The following GTF2IRD2B variants were observed in gnomAD, a reference collection of about 807,000 sequenced individuals.
GTF2IRD2B encodes general transcription factor II-I repeat domain-containing protein 2B.
GTF2IRD2B carries 10 observed loss-of-function variants against 55.6 expected under a neutral mutation model. That is an observed-to-expected ratio of 0.18 (90% CI 0.11 to 0.31). GTF2IRD2B has a LOEUF of 0.31. Among genes scored for constraint, GTF2IRD2B ranks in the 10% least tolerant of loss-of-function variants. The probability of loss-of-function intolerance (pLI) is 1.00; values close to 1 mark genes in which losing one functional copy is unlikely to be tolerated. For synonymous variants in GTF2IRD2B, 107 were observed against 320.5 expected (o/e 0.33, Z 7.12); for missense variants, 206 against 802.7 (o/e 0.26, Z 8.98).
chr7:75,132,474 C>T lies in GTF2IRD2B; in HGVS notation c.671-661C>T, dbSNP rs1463448764. On this transcript the variant is annotated intron_variant, in intron 8 of 15. Transcript: ENST00000472837. ...AGCCACCCTGAAGGGGAAAATCTCC[C>T]AAAACTAGGACTAGAATCAGAACTA... 4.1e-5 allele frequency among the ~76,000 whole-genome samples: 6 copies of T among 146,106 alleles called. No homozygotes were observed. The East Asian group carries it at 7.7e-4, about 19-fold the overall frequency.
intron 1 of GTF2IRD2B, among the ~76,000 whole-genome samples, chr7:75,104,824 T>G (rs1807721224): frequency 6.6e-6 from 1 of 152,284 alleles, no homozygotes; most frequent in Admixed American, 6.5e-5. Context: ...CTCTTCATCT[T>G]AGCCAAAAAG....
chr7:75,145,731 CAAAAAA>C (rs1239787118), intron 15 of GTF2IRD2B, among the ~76,000 whole-genome samples: 2 of 83,738 alleles, frequency 2.4e-5, no homozygotes, highest in African/African-American at 4.4e-5. Context: ...GACTCTGTCT[CAAAAAA>C]AAAAAAAAAA....
At chr7:75,099,737 A>AAAATAAATAAATAAAT (rs781954915) in intron 1 of GTF2IRD2B, among the ~76,000 whole-genome samples, 15 of 126,584 alleles carry the variant, frequency 1.2e-4, no homozygotes, top group Admixed American at 7.7e-5. Flanking sequence ...ACTCCGTCTC[A>AAAATAAATAAATAAAT]AAATAAATAA....
At chr7:75,120,838 G>T in intron 3 of GTF2IRD2B, 53 bp from the exon 4 acceptor site, 2 of 1,591,722 alleles carry the variant, frequency 1.3e-6, no homozygotes, top group South Asian at 2.3e-5. Context: ...AAGTACGGAA[G>T]TGTACAGCAC....
At chr7:75,116,892 G>A (rs1808177571) in intron 3 of GTF2IRD2B, among the ~76,000 whole-genome samples, 1 of 151,448 alleles carries the variant, frequency 6.6e-6, no homozygotes. Flanking sequence ...TGATCTGCCT[G>A]CCTCCGCCTC....
At position 75,101,893 on chromosome 7, in the gene GTF2IRD2B, C is replaced by CAA. The variant is rs1243907524; in HGVS notation, c.-5-7048_-5-7047dup. ...TGGGAGACAGAGCAAGACCCCATCT[C>CAA]AAAAAAAAAAAAAAAAAAAAGAAAA... is the stretch of plus-strand genomic sequence containing the variant. On this transcript the variant is annotated intron_variant, in intron 1 of 15. Transcript: ENST00000472837. Among the ~76,000 whole-genome samples the CAA allele has an allele frequency of 6.0e-3, 466 of 77,582 alleles. 4 individuals carry two copies. The highest frequency in any genetic ancestry group is 0.013 in the South Asian group (29 of 2,174). 50.9% of individuals were successfully genotyped at this position (77,582 alleles called of 152,430 possible).
chr7:75,105,487 G>C (rs1360486373), intron 1 of GTF2IRD2B, among the ~76,000 whole-genome samples: 615 of 152,204 alleles, frequency 4.0e-3, no homozygotes, highest in Non-Finnish European at 6.5e-3. Flanking sequence ...CTGGGTGACA[G>C]AGTGATATTC....
At chr7:75,113,880 GTGTC>G (rs1357046131) in intron 3 of GTF2IRD2B, among the ~76,000 whole-genome samples, 5 of 148,306 alleles carry the variant, frequency 3.4e-5, no homozygotes, top group African/African-American at 1.3e-4. Context: ...GTGTGTGTGT[GTGTC>G]TGTGTGTGTA....
At position 75,148,208 on chromosome 7, in the gene GTF2IRD2B, G is replaced by A. The variant is rs587663700; in HGVS notation, c.1761G>A (p.Thr587=). 3 of 1,613,838 alleles carry A rather than the reference G, an allele frequency of 1.9e-6. No individual in the cohort carries two copies. The highest frequency in any genetic ancestry group is 4.5e-5 in the East Asian group (2 of 44,882). Residue 587 remains threonine (T), a synonymous_variant, in exon 16 of 16, where the codon ACG becomes ACA. Transcript: ENST00000472837. ...SEELLDTVPM[T]GTKSGNEIFL... ...AACTTCTGGACACGGTGCCCATGACGGGTACAAAATCTGGCAACGAGATCT... is the reference window on the plus strand; with the variant it reads ...AACTTCTGGACACGGTGCCCATGACAGGTACAAAATCTGGCAACGAGATCT...
intron 1 of GTF2IRD2B, among the ~76,000 whole-genome samples, chr7:75,101,418 A>G (rs1241446979): frequency 1.3e-5 from 2 of 150,600 alleles, no homozygotes; most frequent in African/African-American, 4.9e-5. Flanking sequence ...ATAGAAAATT[A>G]GCTGAGTGTC....
chr7:75,112,364 T>C, intron 2 of GTF2IRD2B, 33 bp from the exon 3 acceptor site: 1 of 448,744 alleles, frequency 2.2e-6, no homozygotes. Context: ...TCTGCCCTTG[T>C]AGATAATACA....
chr7:75,114,163 C>T (rs1191170397), intron 3 of GTF2IRD2B, among the ~76,000 whole-genome samples: 2 of 150,108 alleles, frequency 1.3e-5, no homozygotes, highest in African/African-American at 2.5e-5. Context: ...AATTTACTTC[C>T]GAGATCCCAA....
chr7:75,109,365 G>A (rs1461825377), intron 2 of GTF2IRD2B, among the ~76,000 whole-genome samples: 1 of 147,480 alleles, frequency 6.8e-6, no homozygotes, highest in Admixed American at 6.9e-5. Flanking sequence ...TTGAGACAGA[G>A]TCTTGCTCTG....
At chr7:75,130,014 A>C (rs1402466103) in intron 8 of GTF2IRD2B, among the ~76,000 whole-genome samples, 1 of 141,252 alleles carries the variant, frequency 7.1e-6, no homozygotes, top group Non-Finnish European at 1.6e-5. Context: ...CTGGTCCTCA[A>C]TTGGTCCTTA....
At chr7:75,101,893 C>CAAAA (rs1243907524) in intron 1 of GTF2IRD2B, among the ~76,000 whole-genome samples, 222 of 78,246 alleles carry the variant, frequency 2.8e-3, no homozygotes, top group African/African-American at 0.01. Flanking sequence ...GACCCCATCT[C>CAAAA]AAAAAAAAAA....
intron 1 of GTF2IRD2B, among the ~76,000 whole-genome samples, chr7:75,096,784 T>G (rs1807393914): frequency 6.7e-6 from 1 of 150,266 alleles, no homozygotes; most frequent in Non-Finnish European, 1.5e-5. Context: ...TGGTGAAACA[T>G]GTACTCTTGT....
At chr7:75,105,125 G>T (rs1339361423) in intron 1 of GTF2IRD2B, among the ~76,000 whole-genome samples, 2 of 152,302 alleles carry the variant, frequency 1.3e-5, no homozygotes, top group Admixed American at 6.5e-5. Flanking sequence ...GAGCCCAGAA[G>T]GTCGAGGCTA....
At position 75,149,544 on chromosome 7, in the gene GTF2IRD2B, C is replaced by A. The variant is rs1327449377; in HGVS notation, c.*247C>A. 6.2e-6 allele frequency: 3 copies of A among 481,936 alleles called. No homozygotes were observed. Among genetic ancestry groups the A allele is most frequent in the South Asian group, 6.1e-5 (3 of 48,788 alleles). The allele number at this position is 481,936 out of a possible 1,614,324, so 29.9% of individuals were successfully genotyped here. A position where few individuals can be genotyped will look rare whatever the true frequency, so the allele number is the denominator to read the frequency against. ...TACAGGCATGCGCCACCATGCCCGG[C>A]TAATTTTTGTATTAGTAGAGATGAG... On this transcript the variant is annotated 3_prime_UTR_variant, in exon 16 of 16. Coordinates refer to ENST00000472837, the MANE Select transcript of GTF2IRD2B (RefSeq NM_001003795.3).
intron 1 of GTF2IRD2B, among the ~76,000 whole-genome samples, chr7:75,101,893 C>CAAAAA (rs1243907524): frequency 3.8e-5 from 3 of 78,344 alleles, no homozygotes; most frequent in African/African-American, 1.5e-4. Context: ...GACCCCATCT[C>CAAAAA]AAAAAAAAAA....
Sources: gnomAD v4.1 joint callset for allele counts (sites outside exome capture counted in the v4.1 genomes callset) on GRCh38, gnomAD v4.1.1 for gene constraint, MANE v1.5 for transcripts, NCBI Gene and HGNC (gene_info 2026-07-23, HGNC 2026-07-21) for gene names.